GRHL1: variants seen among roughly 807,000 people sequenced by gnomAD.
GRHL1 encodes grainyhead-like protein 1 homolog.
GRHL1 carries 38 observed loss-of-function variants against 75.7 expected under a neutral mutation model. The observed-to-expected ratio is 0.50, with a 90% CI of 0.39 to 0.66. GRHL1 has a LOEUF of 0.66. Among genes scored for constraint, GRHL1 ranks in the 30% least tolerant of loss-of-function variants. The probability of loss-of-function intolerance (pLI) is 0.00; values close to 1 mark genes in which losing one functional copy is unlikely to be tolerated. For missense variants in GRHL1, 589 were observed against 767.5 expected (o/e 0.77, Z 2.75); for synonymous variants, 266 against 279.4 (o/e 0.95, Z 0.48).
intron 5 of GRHL1, among the ~76,000 whole-genome samples, chr2:9,963,680 G>A (rs377726371): frequency 2.0e-5 from 3 of 152,098 alleles, no homozygotes; most frequent in African/African-American, 4.8e-5. Context: ...CAGGATGTCC[G>A]ATTACTGACA....
rs748493332 is a variant in GRHL1 at position 9,985,235 on chromosome 2, G to A, written c.1111-889G>A. 2.6e-4 allele frequency among the ~76,000 whole-genome samples: 40 copies of A among 152,264 alleles called. 1 individual carries two copies. The highest frequency in any genetic ancestry group is 8.7e-4 in the African/African-American group (36 of 41,540). On this transcript the variant is annotated intron_variant, in intron 8 of 15. Transcript: ENST00000324907. The stretch of plus-strand genomic sequence containing the variant: ...TGTTGCTTAAGGAATTGGATTCTTC[G>A]TTTCTCTCATGGAAATAGACCCACC...
chr2:9,993,975 T>G (rs1668750102), intron 12 of GRHL1, among the ~76,000 whole-genome samples: 1 of 152,208 alleles, frequency 6.6e-6, no homozygotes, highest in Non-Finnish European at 1.5e-5. Flanking sequence ...CATTAGTCAT[T>G]TACTTTGATG....
intron 1 of GRHL1, among the ~76,000 whole-genome samples, chr2:9,954,095 G>T (rs1267693379): frequency 1.3e-5 from 2 of 151,968 alleles, no homozygotes; most frequent in African/African-American, 2.4e-5. Context: ...TGATTTTTTT[G>T]GATTTTTCCC....
At chr2:9,978,901 G>A (rs1668068835) in intron 8 of GRHL1, among the ~76,000 whole-genome samples, 1 of 152,084 alleles carries the variant, frequency 6.6e-6, no homozygotes, top group African/African-American at 2.4e-5. Flanking sequence ...TGAGGCAGGA[G>A]AATCACTTCA....
Position 9,992,517 on chromosome 2 carries a change from A to C in GRHL1, c.1461+371A>C, listed in dbSNP as rs760014823. Among the ~76,000 whole-genome samples, 8 of 139,668 alleles carry C rather than the reference A, an allele frequency of 5.7e-5. No homozygotes were observed. Among genetic ancestry groups the C allele is most frequent in the Non-Finnish European group, 9.2e-5 (6 of 65,500 alleles). The allele number at this position is 139,668 out of a possible 152,430, so 91.6% of individuals were successfully genotyped here. Reference sequence around the variant, plus strand: ...ATACCTAGGTTAAGGAGCTCTTATAACATAAGAACATCCGAAGGCTTTTCT... The same window carrying C: ...ATACCTAGGTTAAGGAGCTCTTATACCATAAGAACATCCGAAGGCTTTTCT... On this transcript the variant is annotated intron_variant, in intron 11 of 15. Transcript: ENST00000324907. The surrounding 1 kb of genome is among the most constrained non-coding windows in gnomAD (Gnocchi z 4.6).
rs1179029783 is a variant in GRHL1, at chr2:9,951,883, C to G, written c.20+30C>G. The G allele has an allele frequency of 9.1e-6, 13 of 1,422,292 alleles. No individual in the cohort carries two copies. The African/African-American group carries it at 1.5e-4, about 16-fold the overall frequency. 88.1% of individuals were successfully genotyped at this position (1,422,292 alleles called of 1,614,324 possible). Reference sequence around the variant, plus strand: ...GTGAGGCGCAGGAGTCCGGCCGCCGCGGGGGGGCCGCGCTGAGGGGCCGCA... The same window carrying G: ...GTGAGGCGCAGGAGTCCGGCCGCCGGGGGGGGGCCGCGCTGAGGGGCCGCA... On this transcript the variant is annotated intron_variant, in intron 1 of 15. Transcript: ENST00000324907. This position sits in a 1 kb window ranked among gnomAD's most constrained non-coding sequence, Gnocchi z 4.2.
At position 9,998,990 on chromosome 2, in the gene GRHL1, A is replaced by G; in HGVS notation, c.1703A>G (p.His568Arg). Residue 568 changes from histidine (H) to arginine (R), a missense_variant, in exon 15 of 16, where the codon CAT (histidine) becomes CGT (arginine). Transcript: ENST00000324907. ...EAISDKYDVP[H>R]DKIGKIFKKC... ...ATCTCAGACAAATACGATGTTCCCCATGACAAGATTGGGAAAATATTCAAG... is the reference window on the plus strand; with the variant it reads ...ATCTCAGACAAATACGATGTTCCCCGTGACAAGATTGGGAAAATATTCAAG... The G allele has an allele frequency of 1.3e-6, 2 of 1,579,728 alleles. No homozygotes were observed. Among genetic ancestry groups the G allele is most frequent in the Non-Finnish European group, 1.7e-6 (2 of 1,159,106 alleles).
In GRHL1 at chr2:9,954,921, G is replaced by A. The variant is rs974528972; in HGVS notation, c.27G>A (p.Arg9=). ...TTTTTTAATTTCTCTGAAGCAAACG[G>A]CCAGTGTTGGTTCTTCAGAATGAAG... The part of the protein sequence containing the change: MTQEYDNK[R]PVLVLQNEAL... The change falls in exon 2 of 16, where the codon CGG becomes CGA. Residue 9 remains arginine, a synonymous_variant. Coordinates refer to ENST00000324907, the MANE Select transcript of GRHL1 (RefSeq NM_198182.3). The A allele has an allele frequency of 6.2e-7, 1 of 1,612,566 alleles. No individual in the cohort carries two copies. The highest frequency in any genetic ancestry group is 1.7e-5 in the Admixed American group (1 of 60,012).
intron 8 of GRHL1, among the ~76,000 whole-genome samples, chr2:9,977,958 G>A (rs990688302): frequency 2.0e-5 from 3 of 152,188 alleles, no homozygotes; most frequent in Admixed American, 1.3e-4. Context: ...GGCGGAAGGC[G>A]AAAGCCACGT....
intron 4 of GRHL1, 121 bp downstream of exon 4, chr2:9,961,557 ATT>A (rs138724700): frequency 2.1e-5 from 18 of 853,896 alleles, no homozygotes; most frequent in Non-Finnish European, 2.7e-5. Context: ...GGAATAAAAG[ATT>A]TTTTTTTTAA....
rs569472238 is a variant in GRHL1, at chr2:9,981,604, G to A, written c.1111-4520G>A. On this transcript the variant is annotated intron_variant, in intron 8 of 15. Coordinates refer to ENST00000324907, the MANE Select transcript of GRHL1 (RefSeq NM_198182.3). ...ACTATTACTGCAGAGTCGAGTAGTT[G>A]CATATGACCTACGGATGTGAAAATA... is the stretch of plus-strand genomic sequence containing the variant. 1.1e-4 allele frequency among the ~76,000 whole-genome samples: 17 copies of A among 152,316 alleles called. No individual in the cohort carries two copies. The South Asian group carries it at 3.1e-3, about 28-fold the overall frequency.
Position 9,968,719 on chromosome 2 carries a change from G to C in GRHL1, c.1110+3338G>C, listed in dbSNP as rs1457171181. The stretch of plus-strand genomic sequence containing the variant: ...AGCTGAGGGGAGGGGTGCATACAGC[G>C]AGATGGGAGAAAGATACACATAGAC... On this transcript the variant is annotated intron_variant, in intron 8 of 15. Coordinates refer to ENST00000324907, the MANE Select transcript of GRHL1 (RefSeq NM_198182.3). This position sits in a 1 kb window ranked among gnomAD's most constrained non-coding sequence, Gnocchi z 4.7. Among the ~76,000 whole-genome samples the C allele has an allele frequency of 6.6e-6, 1 of 152,182 alleles. No individual in the cohort carries two copies. Among genetic ancestry groups the C allele is most frequent in the Non-Finnish European group, 1.5e-5 (1 of 68,042 alleles).
chr2:9,970,078 C>G (rs182266066), intron 8 of GRHL1, among the ~76,000 whole-genome samples: 2,725 of 152,178 alleles, frequency 0.018, 66 homozygotes, highest in Middle Eastern at 0.068. Context: ...CTCCTGACCT[C>G]GTGATCCACC....
rs748359799 is a variant in GRHL1 at position 9,951,829 on chromosome 2, G to A, written c.-5G>A. ...TCTGCGGCCCGGCAGCGGCGAGCGG[G>A]CGCGATGACACAGGAGTACGACAAG... On this transcript the variant is annotated 5_prime_UTR_variant, in exon 1 of 16. Transcript: ENST00000324907. The surrounding 1 kb of genome is among the most constrained non-coding windows in gnomAD (Gnocchi z 4.2). The A allele has an allele frequency of 9.2e-6, 14 of 1,525,758 alleles. No homozygotes were observed. Among genetic ancestry groups the A allele is most frequent in the South Asian group, 1.2e-5 (1 of 84,304 alleles). The allele number at this position is 1,525,758 out of a possible 1,614,324, so 94.5% of individuals were successfully genotyped here.
At chr2:9,975,972 A>G (rs555976797) in intron 8 of GRHL1, among the ~76,000 whole-genome samples, 1 of 152,336 alleles carries the variant, frequency 6.6e-6, no homozygotes, top group South Asian at 2.1e-4. Flanking sequence ...TGGTTTCCTC[A>G]TCTGTAAAAT....
chr2:9,998,481 C>CGTATATATATACATATATACGT (rs1553306830), intron 14 of GRHL1, among the ~76,000 whole-genome samples: 8 of 3,560 alleles, frequency 2.2e-3, no homozygotes, highest in Non-Finnish European at 3.2e-3. Context: ...TATATATATA[C>CGTATATATATACATATATACGT]ATATATATAC....
intron 13 of GRHL1, 89 bp downstream of exon 13, chr2:9,996,059 T>C: frequency 2.2e-6 from 2 of 909,424 alleles, no homozygotes; most frequent in Non-Finnish European, 1.8e-6. Context: ...AGCACATTTT[T>C]CCCAGTTTCA....
chr2:9,992,127 A>G lies in GRHL1; in HGVS notation c.1442A>G (p.Asn481Ser), dbSNP rs767781089. The G allele has an allele frequency of 5.6e-6, 9 of 1,613,566 alleles. No homozygotes were observed. Among genetic ancestry groups the G allele is most frequent in the South Asian group, 5.5e-5 (5 of 90,858 alleles). Residue 481 changes from asparagine (N) to serine (S), a missense_variant, in exon 11 of 16, where the codon AAC becomes AGC. Physicochemically the swap from Asn to Ser is conservative, Grantham distance 46. Transcript: ENST00000324907. This position sits in a 1 kb window ranked among gnomAD's most constrained non-coding sequence, Gnocchi z 4.6. The stretch of plus-strand genomic sequence containing the variant: ...TTCATTCCTGACGTGCACTTTGCCA[A>G]CTTGCAGCGGGGCACTCATGTAGGT... Reference protein sequence around the residue: ...VLFIPDVHFANLQRGTHVLPI... With the variant: ...VLFIPDVHFASLQRGTHVLPI...
chr2:9,958,752 A>C, intron 2 of GRHL1, 34 bp from the exon 3 acceptor site: 2 of 1,543,634 alleles, frequency 1.3e-6, no homozygotes, highest in South Asian at 1.1e-5. Flanking sequence ...TCACTGGATA[A>C]GAGCTAAATT....
Sources: allele counts gnomAD v4.1 joint callset (sites outside exome capture counted in the v4.1 genomes callset), GRCh38; gene constraint gnomAD v4.1.1; non-coding constraint Gnocchi (gnomAD v3.1); transcripts MANE v1.5; gene names NCBI Gene and HGNC (gene_info 2026-07-23, HGNC 2026-07-21).